The following ZFYVE26 variants were observed in gnomAD, a reference collection of about 807,000 sequenced individuals.
ZFYVE26 encodes the protein zinc finger FYVE-type containing 26.
Under a neutral mutation model 276.5 loss-of-function variants are expected in ZFYVE26, and 181 were observed. The ratio of observed to expected loss-of-function variants is 0.65; its 90% CI spans 0.58 to 0.74. ZFYVE26 has a LOEUF of 0.74. Ranked by LOEUF, ZFYVE26 falls within the 30% of genes least tolerant of loss-of-function variation. The probability of loss-of-function intolerance (pLI) is 0.00; values close to 1 mark genes in which losing one functional copy is unlikely to be tolerated. For missense variants in ZFYVE26, 2,821 were observed against 3,097.9 expected (o/e 0.91, Z 2.12); for synonymous variants, 1,129 against 1,203.1 (o/e 0.94, Z 1.27).
chr14:67,729,926 A>G, intron 13 of ZFYVE26: 1 of 414,906 alleles, frequency 2.4e-6, no homozygotes, highest in South Asian at 1.8e-5. Flanking sequence ...TCTCTTTCCC[A>G]TTCCATGACA....
chr14:67,743,392 G>T (rs1234336762), downstream of ZFYVE26, among the ~76,000 whole-genome samples: 1 of 152,076 alleles, frequency 6.6e-6, no homozygotes, highest in Admixed American at 6.6e-5. Context: ...TCAGGAGGCT[G>T]AGGTGGGAGG....
chr14:67,794,050 C>A, intron 13 of ZFYVE26, 121 bp downstream of exon 13: 1 of 1,132,422 alleles, frequency 8.8e-7, no homozygotes, highest in South Asian at 1.2e-5. Flanking sequence ...TAAAATCTGG[C>A]CATCTGCCAA....
At position 67,739,513 on chromosome 14, in the gene ZFYVE26, AT is replaced by A. The variant is rs112160011; in HGVS notation, n.2680-9695del. On this transcript the variant is annotated intron_variant and non_coding_transcript_variant, in intron 13 of 14. Transcript: ENST00000394455. ...TCTACCATTTTTAACCTACTTTTTA[AT>A]TTTTTTTTTTACTTTTTTTTCTTAC... Among the ~76,000 whole-genome samples the A allele has an allele frequency of 1.4e-3, 209 of 149,192 alleles. 6 individuals carry two copies. The East Asian group carries it at 0.024, about 17-fold the overall frequency.
At position 67,798,950 on chromosome 14, in the gene ZFYVE26, G is replaced by C. The variant is rs1282455389; in HGVS notation, c.1640-328C>G. The C allele has an allele frequency of 4.4e-6, 5 of 1,130,042 alleles. No individual in the cohort carries two copies. In the East Asian group the frequency reaches 7.1e-5, roughly 16 times the overall value. The allele number at this position is 1,130,042 out of a possible 1,614,324, so 70.0% of individuals were successfully genotyped here. Reference sequence around the variant, plus strand: ...TTGGCGCCTCTGATCTTTATTTCTCGCGCCGCGGTTTCGGTGGGAGGGGCG... The same window carrying C: ...TTGGCGCCTCTGATCTTTATTTCTCCCGCCGCGGTTTCGGTGGGAGGGGCG... On this transcript the variant is annotated intron_variant, in intron 10 of 41. Transcript: ENST00000347230.
Position 67,780,330 on chromosome 14 carries a change from A to G in ZFYVE26, c.4585T>C (p.Ser1529Pro). 6.2e-7 allele frequency: 1 copy of G among 1,613,634 alleles called. No homozygotes were observed. The highest frequency in any genetic ancestry group is 8.5e-7 in the Non-Finnish European group (1 of 1,179,858). Reference sequence around the variant, plus strand: ...TGCCAGTCACACCACACTGGGGGAGACTGCAAACCCAGAATCTAAGGAAAG... The same window carrying G: ...TGCCAGTCACACCACACTGGGGGAGGCTGCAAACCCAGAATCTAAGGAAAG... ...QVYQKILGLQSPPVWCDWQTL... is the reference protein window; with the variant it reads ...QVYQKILGLQPPPVWCDWQTL... The change falls in exon 23 of 42, where the codon TCT (serine) becomes CCT (proline). Residue 1529 changes from serine to proline, a missense_variant. Transcript: ENST00000347230.
chr14:67,802,046 A>G, intron 10 of ZFYVE26, 33 bp downstream of exon 10: 1 of 1,610,232 alleles, frequency 6.2e-7, no homozygotes, highest in South Asian at 1.1e-5. Flanking sequence ...TGTTGTTATC[A>G]GCTTATCTCA....
At chr14:67,771,756 C>G (rs1448861983) in intron 28 of ZFYVE26, among the ~76,000 whole-genome samples, 1 of 152,108 alleles carries the variant, frequency 6.6e-6, no homozygotes, top group African/African-American at 2.4e-5. Context: ...GACATGGGAG[C>G]CAGAAACAAG....
In ZFYVE26 at chr14:67,753,402, A is replaced by G. The variant is rs575079155; in HGVS notation, c.7188+305T>C. ...AAAGCCCCTGGCCACCCCTCCAGCCATATTCCCTGTGAGAACCAGCAGTGT... is the reference window on the plus strand; with the variant it reads ...AAAGCCCCTGGCCACCCCTCCAGCCGTATTCCCTGTGAGAACCAGCAGTGT... On this transcript the variant is annotated intron_variant, in intron 39 of 41. Transcript: ENST00000347230. 1.6e-4 allele frequency among the ~76,000 whole-genome samples: 24 copies of G among 152,332 alleles called. No individual in the cohort carries two copies. The South Asian group carries it at 2.3e-3, about 14-fold the overall frequency.
At chr14:67,771,940 T>C in intron 28 of ZFYVE26, 107 bp downstream of exon 28, 1 of 1,444,156 alleles carries the variant, frequency 6.9e-7, no homozygotes, top group African/African-American at 1.4e-5. Context: ...GTTCTGAAAA[T>C]ACCGATATTC....
In ZFYVE26 at chr14:67,783,346, G is replaced by A. The variant is rs2140223671; in HGVS notation, c.3806C>T (p.Pro1269Leu). 1.2e-6 allele frequency: 2 copies of A among 1,613,260 alleles called. No homozygotes were observed. The highest frequency in any genetic ancestry group is 1.7e-6 in the Non-Finnish European group (2 of 1,179,234). The change falls in exon 21 of 42, where the codon CCA becomes CTA. Residue 1269 changes from proline to leucine, a missense_variant. By Grantham distance (98) the Pro-to-Leu change is moderately conservative (BLOSUM62 -3). Coordinates refer to ENST00000347230, the MANE Select transcript of ZFYVE26 (RefSeq NM_015346.4). Reference sequence around the variant, plus strand: ...CCTCGGGGAGCTCGGTGTAGAAAGTGGGAGGTCATCCAGGCAGTGAGAGGC... The same window carrying A: ...CCTCGGGGAGCTCGGTGTAGAAAGTAGGAGGTCATCCAGGCAGTGAGAGGC... Reference protein sequence around the residue: ...LHASHCLDDLPLSTPSSPRTT... With the variant: ...LHASHCLDDLLLSTPSSPRTT...
intron 13 of ZFYVE26, among the ~76,000 whole-genome samples, chr14:67,740,821 T>A (rs1594873114): frequency 6.6e-6 from 1 of 152,040 alleles, no homozygotes; most frequent in East Asian, 1.9e-4. Flanking sequence ...GGCAGGAGAA[T>A]CATTTGAACC....
intron 14 of ZFYVE26, 97 bp from the exon 15 acceptor site, chr14:67,790,870 T>A: frequency 8.8e-7 from 1 of 1,136,078 alleles, no homozygotes; most frequent in Non-Finnish European, 1.3e-6. Context: ...ACTGTGGCCC[T>A]AAGATGTCTT....
rs763828597 is a variant in ZFYVE26 at position 67,761,563 on chromosome 14, T to C, written c.6391A>G (p.Thr2131Ala). Residue 2131 changes from threonine to alanine, a missense_variant, in exon 35 of 42, where the codon ACC (threonine) becomes GCC (alanine). Physicochemically the swap from Thr to Ala is moderately conservative, Grantham distance 58. Transcript: ENST00000347230. ...AGGGTAGCTTCCAGTTCCCTCAGGG[T>C]GGCAAAGTAATCGTCATCTTGCTGA... ...VSLQDDDYFA[T>A]LRELEATLRT... is the part of the protein sequence containing the mutation. The C allele has an allele frequency of 1.2e-6, 2 of 1,614,030 alleles. No homozygotes were observed. The highest frequency in any genetic ancestry group is 3.3e-5 in the Admixed American group (2 of 60,006).
Position 67,748,946 on chromosome 14 carries a change from C to T in ZFYVE26, c.7417-307G>A, listed in dbSNP as rs554219899. Among the ~76,000 whole-genome samples, 7 of 152,324 alleles carry T rather than the reference C, an allele frequency of 4.6e-5. No individual in the cohort carries two copies. The East Asian group carries it at 1.2e-3, about 25-fold the overall frequency. On this transcript the variant is annotated intron_variant, in intron 41 of 41. Coordinates refer to ENST00000347230, the MANE Select transcript of ZFYVE26 (RefSeq NM_015346.4). ...ACACTCTCCTCCTCACTCTCCCAGG[C>T]TCTCCAGCATCTTCTGGGGTTCAGG...
chr14:67,804,076 G>A, intron 9 of ZFYVE26, 25 bp downstream of exon 9: 1 of 1,613,408 alleles, frequency 6.2e-7, no homozygotes, highest in East Asian at 2.2e-5. Context: ...GGAAATCCTG[G>A]CCAGGTCATT....
chr14:67,801,892 G>T (rs1362485538), intron 10 of ZFYVE26, among the ~76,000 whole-genome samples, 187 bp downstream of exon 10: 1 of 152,184 alleles, frequency 6.6e-6, no homozygotes, highest in Non-Finnish European at 1.5e-5. Context: ...TAAAACTTAG[G>T]CAATCACTTT....
chr14:67,797,905 A>G (rs773428680), intron 11 of ZFYVE26, 109 bp downstream of exon 11: 85 of 1,595,350 alleles, frequency 5.3e-5, no homozygotes, highest in Non-Finnish European at 6.2e-5. Flanking sequence ...TGGTGACGAT[A>G]TGCCCTGAGT....
chr14:67,797,477 A>G, intron 12 of ZFYVE26, 195 bp downstream of exon 12: 1 of 662,584 alleles, frequency 1.5e-6, no homozygotes, highest in South Asian at 1.7e-5. Context: ...AAAAGGATAT[A>G]CATGTTTATA....
chr14:67,773,509 G>A (rs1232734359), intron 27 of ZFYVE26, among the ~76,000 whole-genome samples: 2 of 148,542 alleles, frequency 1.3e-5, no homozygotes, highest in African/African-American at 5.0e-5. Flanking sequence ...ACTCTAGCCT[G>A]GGCAACAGAG....
Sources: gnomAD v4.1 joint callset for allele counts (sites outside exome capture counted in the v4.1 genomes callset) on GRCh38, gnomAD v4.1.1 for gene constraint, MANE v1.5 for transcripts, NCBI Gene and HGNC (gene_info 2026-07-23, HGNC 2026-07-21) for gene names.